KRT14: variants seen among roughly 807,000 people sequenced by gnomAD.
KRT14 encodes the protein keratin 14.
Under a neutral mutation model 44.5 loss-of-function variants are expected in KRT14, and 30 were observed. The observed-to-expected ratio is 0.67, with a 90% CI of 0.50 to 0.92. KRT14 has a LOEUF of 0.92. KRT14 is among the 40% of genes least tolerant of loss of function. The pLI, the probability that KRT14 is intolerant of heterozygous loss-of-function variation, is 0.00. For synonymous variants in KRT14, 241 were observed against 257.6 expected, an observed-to-expected ratio of 0.94 and a Z score of 0.62; for missense variants, 535 against 640.6, an observed-to-expected ratio of 0.84 and a Z score of 1.78.
At chr17:41,584,676 A>C (rs1240667825) in intron 2 of KRT14, among the ~76,000 whole-genome samples, 1 of 152,210 alleles carries the variant, frequency 6.6e-6, no homozygotes, top group East Asian at 1.9e-4. Flanking sequence ...ATAATGCAGA[A>C]GTCCTCCAAC....
chr17:41,583,299 C>A lies in KRT14; in HGVS notation c.1210G>T (p.Val404Leu). The A allele has an allele frequency of 6.2e-7, 1 of 1,613,722 alleles. No individual in the cohort carries two copies. Among genetic ancestry groups the A allele is most frequent in the Non-Finnish European group, 8.5e-7 (1 of 1,179,998 alleles). The stretch of plus-strand genomic sequence containing the variant: ...ATCTCCTGCTCCAGCCGCGTCTTCA[C>A]GTCCAGCAGGATCTTGTACTCCTGG... ...QNQEYKILLD[V>L]KTRLEQEIAT... The change falls in exon 6 of 8, where the codon GTG (valine) becomes TTG (leucine). Residue 404 changes from valine to leucine, a missense_variant. Transcript: ENST00000167586.
In KRT14 at chr17:41,586,303, C is replaced by T. The variant is rs763094246; in HGVS notation, c.525+7G>A. 6.2e-7 allele frequency: 1 copy of T among 1,612,108 alleles called. No homozygotes were observed. The highest frequency in any genetic ancestry group is 2.2e-5 in the East Asian group (1 of 44,888). Reference sequence around the variant, plus strand: ...GGAATGGTGCCTTCTGCTGCCCATTCACCCACCTTGTTCCTCAGGTCCTCA... The same window carrying T: ...GGAATGGTGCCTTCTGCTGCCCATTTACCCACCTTGTTCCTCAGGTCCTCA... On this transcript the variant is annotated splice_region_variant and intron_variant, in intron 1 of 7. Transcript: ENST00000167586.
At position 41,583,382 on chromosome 17, in the gene KRT14, A is replaced by AG; in HGVS notation, c.1126_1127insC (p.Met376ThrfsTer107). On this transcript the variant is annotated frameshift_variant, in exon 6 of 8. Transcript: ENST00000167586. LOFTEE classifies it high-confidence loss of function. ...CAGCTGCTCCTCCACGCTGCCAATC[A>AG]TCTCCTGGATCTGGGCCAGCTGCAT... 6.2e-7 allele frequency: 1 copy of AG among 1,613,652 alleles called. No individual in the cohort carries two copies. The highest frequency in any genetic ancestry group is 8.5e-7 in the Non-Finnish European group (1 of 1,179,986).
intron 3 of KRT14, 149 bp from the exon 4 acceptor site, chr17:41,584,070 T>TCTCTC (rs878858723): frequency 8.6e-6 from 1 of 115,918 alleles, no homozygotes; most frequent in Non-Finnish European, 1.5e-5. Flanking sequence ...TCTCTCTCTC[T>TCTCTC]TTTTTTTTTT....
In KRT14 at chr17:41,583,538, G is replaced by A. The variant is rs201000208; in HGVS notation, c.1053+13C>T. On this transcript the variant is annotated intron_variant, in intron 5 of 7. Transcript: ENST00000167586. ...AGTCCTGGGTGCACCACCCTTCCTGGCACTATTCCTACCATGCTGAGCTGG... is the reference window on the plus strand; with the variant it reads ...AGTCCTGGGTGCACCACCCTTCCTGACACTATTCCTACCATGCTGAGCTGG... 1.4e-4 allele frequency: 229 copies of A among 1,614,132 alleles called. 1 individual carries two copies. In the East Asian group the frequency reaches 5.0e-3, roughly 36 times the overall value.
In KRT14 at chr17:41,586,726, C is replaced by G; in HGVS notation, c.109G>C (p.Gly37Arg). 2 of 1,586,842 alleles carry G rather than the reference C, an allele frequency of 1.3e-6. No individual in the cohort carries two copies. The highest frequency in any genetic ancestry group is 2.3e-5 in the South Asian group (2 of 88,596). The change falls in exon 1 of 8, where the codon GGA becomes CGA. Residue 37 changes from glycine to arginine, a missense_variant. Gly to Arg is a moderately radical substitution (Grantham distance 125). Transcript: ENST00000167586. ...GTGCTGGGGGCGCGGCAGGACCCTC[C>G]GGCCAGGACGGAGGAGATGCGGCTG... ...GSSRISSVLA[G>R]GSCRAPSTYG...
At chr17:41,584,050 A>AAT in intron 3 of KRT14, 129 bp from the exon 4 acceptor site, 1 of 722,092 alleles carries the variant, frequency 1.4e-6, no homozygotes, top group Non-Finnish European at 2.2e-6. Flanking sequence ...TCTCTCTCTC[A>AAT]ATCTCTCTCT....
chr17:41,585,023 A>G lies in KRT14; in HGVS notation c.560T>C (p.Leu187Pro), dbSNP rs771792233. The G allele has an allele frequency of 6.2e-7, 1 of 1,614,160 alleles. No homozygotes were observed. The highest frequency in any genetic ancestry group is 8.5e-7 in the Non-Finnish European group (1 of 1,179,964). ...LTATVDNANV[L>P]LQIDNARLAA... ...CAGACGGGCATTGTCAATCTGCAGA[A>G]GGACATTGGCATTGTCCACTGTGGC... Residue 187 changes from leucine (L) to proline (P), a missense_variant, in exon 2 of 8, where the codon CTT becomes CCT. Coordinates refer to ENST00000167586, the MANE Select transcript of KRT14 (RefSeq NM_000526.5).
In KRT14 at chr17:41,583,406, A is replaced by G; in HGVS notation, c.1103T>C (p.Met368Thr). The change falls in exon 6 of 8, where the codon ATG becomes ACG. Residue 368 changes from methionine (M) to threonine (T), a missense_variant. By Grantham distance (81) the Met-to-Thr change is moderately conservative. Transcript: ENST00000167586. ...SLEETKGRYC[M>T]QLAQIQEMIG... ...CATCTCCTGGATCTGGGCCAGCTGCATGCAGTAGCGACCTTTGGTCTCCTC... is the reference window on the plus strand; with the variant it reads ...CATCTCCTGGATCTGGGCCAGCTGCGTGCAGTAGCGACCTTTGGTCTCCTC... The G allele has an allele frequency of 6.2e-7, 1 of 1,613,982 alleles. No homozygotes were observed. The highest frequency in any genetic ancestry group is 8.5e-7 in the Non-Finnish European group (1 of 1,180,036).
chr17:41,584,069 CTTTTTTTTTTTTT>C (rs61300844), intron 3 of KRT14, 148 bp from the exon 4 acceptor site: 18 of 304,046 alleles, frequency 5.9e-5, no homozygotes, highest in South Asian at 2.0e-4. Flanking sequence ...CTCTCTCTCT[CTTTTTTTTTTTTT>C]TTTTTTTTTT....
At chr17:41,584,581 T>A in intron 2 of KRT14, 168 bp from the exon 3 acceptor site, 1 of 704,860 alleles carries the variant, frequency 1.4e-6, no homozygotes, top group Admixed American at 2.1e-5. Context: ...TGCTCAGATA[T>A]GAACATTCCT....
Position 41,583,826 on chromosome 17 carries a change from C to T in KRT14, c.861G>A (p.Met287Ile). The change falls in exon 4 of 8, where the codon ATG (methionine) becomes ATA (isoleucine). Residue 287 changes from methionine (M) to isoleucine (I), a missense_variant. Transcript: ENST00000167586. Reference protein sequence around the residue: ...GVDLSRILNEMRDQYEKMAEK... With the variant: ...GVDLSRILNEIRDQYEKMAEK... ...CTGCCATCTTCTCATACTGGTCACG[C>T]ATCTCGTTCAGAATGCGGCTCAGGT... 6.2e-7 allele frequency: 1 copy of T among 1,614,218 alleles called. No individual in the cohort carries two copies. Among genetic ancestry groups the T allele is most frequent in the Non-Finnish European group, 8.5e-7 (1 of 1,180,044 alleles).
At chr17:41,586,161 T>G (rs1907516868) in intron 1 of KRT14, 149 bp downstream of exon 1, 8 of 947,188 alleles carry the variant, frequency 8.4e-6, no homozygotes, top group Admixed American at 5.8e-5. Context: ...TTCTCACTGA[T>G]CAGTCTTAGG....
In KRT14 at chr17:41,584,465, G is replaced by A. The variant is rs1376170954; in HGVS notation, c.609-52C>T. On this transcript the variant is annotated intron_variant, in intron 2 of 7. Coordinates refer to ENST00000167586, the MANE Select transcript of KRT14 (RefSeq NM_000526.5). ...GAGACACCCATCCTGATCACAGCGA[G>A]GGCTTTGTTCTCTTCTCCCTGCAGC... is the stretch of plus-strand genomic sequence containing the variant. The A allele has an allele frequency of 4.4e-6, 7 of 1,604,588 alleles. No individual in the cohort carries two copies. The African/African-American group carries it at 8.0e-5, about 18-fold the overall frequency.
In KRT14 at chr17:41,586,219, AGAGAAATCT is replaced by A. The variant is rs541727491; in HGVS notation, c.525+82_525+90del. On this transcript the variant is annotated intron_variant, in intron 1 of 7. Transcript: ENST00000167586. ...GGATCTGGGGTGGACTCTGTCCTAT[AGAGAAATCT>A]TAAGGTCTCAGGGGCCTGGGGCATG... 666 of 1,525,478 alleles carry A rather than the reference AGAGAAATCT, an allele frequency of 4.4e-4. 7 individuals are homozygous for A. The East Asian group carries it at 0.014, about 32-fold the overall frequency. The allele number at this position is 1,525,478 out of a possible 1,614,324, so 94.5% of individuals were successfully genotyped here. A position where few individuals can be genotyped will look rare whatever the true frequency, so the allele number is the denominator to read the frequency against.
intron 7 of KRT14, 58 bp from the exon 8 acceptor site, chr17:41,582,590 G>A (rs1907372538): frequency 7.3e-7 from 1 of 1,371,328 alleles, no homozygotes; most frequent in African/African-American, 1.4e-5. Flanking sequence ...GGACTAATCA[G>A]GAGTAAGGAG....
intron 1 of KRT14, among the ~76,000 whole-genome samples, chr17:41,585,545 A>G (rs1207526703): frequency 6.6e-6 from 1 of 152,204 alleles, no homozygotes; most frequent in Non-Finnish European, 1.5e-5. Context: ...AACACAGGGG[A>G]TTAGAAAAGA....
At chr17:41,582,841 C>T in intron 7 of KRT14, 1 of 605,596 alleles carries the variant, frequency 1.7e-6, no homozygotes. Flanking sequence ...CTGTAGGGCC[C>T]TGTTCATGGT....
At chr17:41,582,907 G>T in intron 7 of KRT14, 187 bp downstream of exon 7, 1 of 664,310 alleles carries the variant, frequency 1.5e-6, no homozygotes, top group East Asian at 2.6e-5. Context: ...GCAAGAGGTG[G>T]GGGCTGCCTC....
Sources: gnomAD v4.1 joint callset for allele counts (sites outside exome capture counted in the v4.1 genomes callset) on GRCh38, gnomAD v4.1.1 for gene constraint, MANE v1.5 for transcripts, NCBI Gene and HGNC (gene_info 2026-07-23, HGNC 2026-07-21) for gene names.